The following CADM2 variants were observed in gnomAD, a reference collection of about 807,000 sequenced individuals.
The protein encoded by CADM2 is immunoglobulin superfamily member 4D.
A neutral mutation model predicts 49.8 loss-of-function variants in CADM2; 12 were observed. The ratio of observed to expected loss-of-function variants is 0.24; its 90% CI spans 0.15 to 0.39. CADM2 has a LOEUF of 0.39. Ranked by LOEUF, CADM2 falls within the 10% of genes least tolerant of loss-of-function variation. The pLI is 1.00. For synonymous variants in CADM2, 214 were observed against 175.4 expected (o/e 1.22, Z -1.74); for missense variants, 378 against 492.3 (o/e 0.77, Z 2.20).
intron 1 of CADM2, among the ~76,000 whole-genome samples, chr3:85,569,641 A>C (rs2062417086): frequency 6.7e-6 from 1 of 149,918 alleles, no homozygotes; most frequent in Non-Finnish European, 1.5e-5. Context: ...GTGTCATCCT[A>C]GGTTTCCAAT....
At chr3:86,040,867 A>G (rs1412340340) in intron 8 of CADM2, among the ~76,000 whole-genome samples, 1 of 152,240 alleles carries the variant, frequency 6.6e-6, no homozygotes, top group African/African-American at 2.4e-5. Context: ...AGCCCATCAG[A>G]CTAACAGCTG....
At chr3:85,013,877 T>C (rs1428762520) in intron 1 of CADM2, among the ~76,000 whole-genome samples, 1 of 147,284 alleles carries the variant, frequency 6.8e-6, no homozygotes, top group Non-Finnish European at 1.5e-5. Context: ...TTAATTATAA[T>C]TAATTAATAT....
intron 6 of CADM2, among the ~76,000 whole-genome samples, chr3:85,920,542 A>G (rs1219616654): frequency 6.6e-6 from 1 of 151,820 alleles, no homozygotes. Flanking sequence ...GAGTGTGACC[A>G]CTATTTGAGA....
At chr3:85,014,570 G>A (rs534971595) in intron 1 of CADM2, among the ~76,000 whole-genome samples, 3 of 152,252 alleles carry the variant, frequency 2.0e-5, no homozygotes, top group South Asian at 2.1e-4. Context: ...GAGGAGACTA[G>A]TGTACCCCCA....
intron 2 of CADM2, among the ~76,000 whole-genome samples, chr3:85,739,257 C>A (rs772732772): frequency 6.6e-6 from 1 of 152,142 alleles, no homozygotes; most frequent in Non-Finnish European, 1.5e-5. Flanking sequence ...TTCAAAAGTT[C>A]TCTGCAGCCT....
chr3:85,075,535 T>C (rs1018343768), intron 1 of CADM2, among the ~76,000 whole-genome samples: 1 of 152,104 alleles, frequency 6.6e-6, no homozygotes, highest in Non-Finnish European at 1.5e-5. Context: ...GAAAAACTAT[T>C]GGAGGGGTAT....
At chr3:85,491,173 T>A (rs2039653997) in intron 1 of CADM2, among the ~76,000 whole-genome samples, 1 of 152,190 alleles carries the variant, frequency 6.6e-6, no homozygotes, top group African/African-American at 2.4e-5. Context: ...GATATTTTGC[T>A]CATTTTCAAA....
chr3:85,569,673 A>G (rs1209917752), intron 1 of CADM2, among the ~76,000 whole-genome samples: 2 of 148,560 alleles, frequency 1.3e-5, no homozygotes, highest in Non-Finnish European at 3.0e-5. Context: ...GGTTAGATCA[A>G]TGTTTTTTAG....
At chr3:86,031,267 T>A (rs915079268) in intron 8 of CADM2, among the ~76,000 whole-genome samples, 4 of 151,724 alleles carry the variant, frequency 2.6e-5, no homozygotes, top group Non-Finnish European at 4.4e-5. Flanking sequence ...ATAACCAGGG[T>A]CATATCTTGA....
rs58177574 is a variant in CADM2, at chr3:85,107,631, T to TTCTTTCTTTTTC, written c.61+147964_61+147965insCTTTCTTTTTCT. Among the ~76,000 whole-genome samples the TTCTTTCTTTTTC allele has an allele frequency of 2.3e-3, 311 of 137,932 alleles. 1 individual carries two copies. The highest frequency in any genetic ancestry group is 7.7e-3 in the African/African-American group (296 of 38,482). The allele number at this position is 137,932 out of a possible 152,430, so 90.5% of individuals were successfully genotyped here. ...TCTTTTTCTTTCTTTCTTTCTTTCT[T>TTCTTTCTTTTTC]TTTCTTTCTTTCTTTCTTTCTTTCT... is the stretch of plus-strand genomic sequence containing the variant. On this transcript the variant is annotated intron_variant, in intron 1 of 9. Transcript: ENST00000383699.
intron 3 of CADM2, among the ~76,000 whole-genome samples, chr3:85,811,486 A>C (rs2072874022): frequency 6.6e-6 from 1 of 152,194 alleles, no homozygotes. Context: ...GGTTGTTTGC[A>C]GTTATCGCAG....
intron 1 of CADM2, among the ~76,000 whole-genome samples, chr3:85,513,184 A>G (rs2060813172): frequency 6.6e-6 from 1 of 152,066 alleles, no homozygotes; most frequent in Admixed American, 6.6e-5. Flanking sequence ...AGCATATTCT[A>G]TCCAGTATAG....
chr3:85,849,664 A>C (rs1285294829), intron 3 of CADM2, among the ~76,000 whole-genome samples: 1 of 152,188 alleles, frequency 6.6e-6, no homozygotes, highest in Non-Finnish European at 1.5e-5. Context: ...ATCATATATA[A>C]GCCACGCCTG....
chr3:85,444,619 A>AC (rs150992286), intron 1 of CADM2, among the ~76,000 whole-genome samples: 6,037 of 151,854 alleles, frequency 0.04, 404 homozygotes, highest in African/African-American at 0.14. Context: ...GCTGTTCCCA[A>AC]CCCCCATTCC....
At chr3:85,446,605 T>A (rs866539664) in intron 1 of CADM2, among the ~76,000 whole-genome samples, 40 of 42,772 alleles carry the variant, frequency 9.4e-4, no homozygotes, top group African/African-American at 1.5e-3. Flanking sequence ...TTGTTTTTTG[T>A]TTTTTTTTTT....
At chr3:85,977,722 A>C (rs1236413315) in intron 8 of CADM2, among the ~76,000 whole-genome samples, 4 of 151,586 alleles carry the variant, frequency 2.6e-5, no homozygotes, top group African/African-American at 9.7e-5. Flanking sequence ...ATAATGGTAG[A>C]TCGCACTCCA....
At chr3:85,662,255 TAGAC>T (rs1286041171) in intron 1 of CADM2, among the ~76,000 whole-genome samples, 7 of 151,270 alleles carry the variant, frequency 4.6e-5, no homozygotes, top group Non-Finnish European at 8.9e-5. Flanking sequence ...TTTTGGTACT[TAGAC>T]ATATCAAGAA....
At chr3:85,105,765 T>TAA (rs1339948026) in intron 1 of CADM2, among the ~76,000 whole-genome samples, 4 of 152,150 alleles carry the variant, frequency 2.6e-5, no homozygotes, top group Non-Finnish European at 5.9e-5. Flanking sequence ...TATGCAGCCA[T>TAA]AAAAAATGAT....
intron 5 of CADM2, among the ~76,000 whole-genome samples, chr3:85,891,351 T>C (rs1327277188): frequency 6.6e-6 from 1 of 152,180 alleles, no homozygotes. Flanking sequence ...CCATGAGATC[T>C]TTTCTACCTA....
Sources: gnomAD v4.1 joint callset for allele counts (sites outside exome capture counted in the v4.1 genomes callset) on GRCh38, gnomAD v4.1.1 for gene constraint, MANE v1.5 for transcripts, NCBI Gene and HGNC (gene_info 2026-07-23, HGNC 2026-07-21) for gene names.